The following ELMOD1 variants were observed in gnomAD, a reference collection of about 807,000 sequenced individuals.
The protein encoded by ELMOD1 is ELMO domain-containing protein 1.
ELMOD1 carries 21 observed loss-of-function variants against 46.7 expected under a neutral mutation model. The observed-to-expected ratio is 0.45, with a 90% CI of 0.32 to 0.65. ELMOD1 has a LOEUF of 0.65. ELMOD1 is among the 30% of genes least tolerant of loss of function. The pLI is 0.04. For missense variants in ELMOD1, 348 were observed against 407.8 expected (o/e 0.85, Z 1.26); for synonymous variants, 122 against 138.2 (o/e 0.88, Z 0.82).
chr11:107,591,633 C>T (rs1184303012), intron 1 of ELMOD1: 2 of 359,808 alleles, frequency 5.6e-6, no homozygotes, highest in African/African-American at 2.2e-5. Context: ...TCTATCCTGT[C>T]CTCCCAATTA....
intron 1 of ELMOD1, among the ~76,000 whole-genome samples, chr11:107,612,410 C>T (rs1259078968): frequency 6.6e-6 from 1 of 152,200 alleles, no homozygotes; most frequent in African/African-American, 2.4e-5. Context: ...GGATACTATG[C>T]TCACTACCTG....
At chr11:107,604,044 A>G (rs1188398682) in intron 1 of ELMOD1, among the ~76,000 whole-genome samples, 1 of 152,224 alleles carries the variant, frequency 6.6e-6, no homozygotes, top group African/African-American at 2.4e-5. Context: ...GAGACAGGAC[A>G]GGAAAATGGA....
At chr11:107,619,661 A>G (rs562121289) in intron 2 of ELMOD1, among the ~76,000 whole-genome samples, 104 of 152,346 alleles carry the variant, frequency 6.8e-4, no homozygotes, top group African/African-American at 2.3e-3. Flanking sequence ...GAAAAATAGT[A>G]GCCTTTGGTT....
rs1191124362 is a variant in ELMOD1 at position 107,650,414 on chromosome 11, A to G, written c.623+11A>G. 1.0e-5 allele frequency: 16 copies of G among 1,562,262 alleles called. No individual in the cohort carries two copies. Among genetic ancestry groups the G allele is most frequent in the Non-Finnish European group, 1.7e-6 (2 of 1,148,264 alleles). ...TCATCCGAAATGCAGGTAATTGTTG[A>G]AAGTAAAAGATGAATTAGGTTTTAT... On this transcript the variant is annotated intron_variant, in intron 8 of 11. Coordinates refer to ENST00000265840, the MANE Select transcript of ELMOD1 (RefSeq NM_018712.4).
chr11:107,624,009 A>T (rs1865999588), intron 2 of ELMOD1: 1 of 152,198 alleles, frequency 6.6e-6, no homozygotes, highest in Non-Finnish European at 1.5e-5. Flanking sequence ...TTTGTTCACA[A>T]TACTGAGCAT....
intron 5 of ELMOD1, 59 bp downstream of exon 5, chr11:107,631,736 A>AGAG: frequency 1.1e-6 from 1 of 913,010 alleles, no homozygotes. Flanking sequence ...CCACAGGTTT[A>AGAG]GTGTTTCTCT....
chr11:107,654,625 C>T (rs529337613), intron 10 of ELMOD1, among the ~76,000 whole-genome samples: 89 of 152,120 alleles, frequency 5.9e-4, no homozygotes, highest in Admixed American at 1.9e-3. Flanking sequence ...AAAAATTAGC[C>T]GGGCGTGTTG....
intron 1 of ELMOD1, among the ~76,000 whole-genome samples, chr11:107,609,760 T>C (rs1471209933): frequency 1.3e-5 from 2 of 152,218 alleles, no homozygotes; most frequent in African/African-American, 4.8e-5. Flanking sequence ...AAGTATCAAC[T>C]GATCTCTAGG....
chr11:107,602,660 C>G (rs1461661047), intron 1 of ELMOD1, among the ~76,000 whole-genome samples: 1 of 150,576 alleles, frequency 6.6e-6, no homozygotes, highest in East Asian at 1.9e-4. Flanking sequence ...TTTCTTTTAT[C>G]TATGAAAATT....
chr11:107,623,205 G>A (rs993024907), intron 2 of ELMOD1: 2 of 150,568 alleles, frequency 1.3e-5, no homozygotes, highest in African/African-American at 4.9e-5. Flanking sequence ...AAATTATTTT[G>A]CTCCCTGCAT....
intron 11 of ELMOD1, among the ~76,000 whole-genome samples, chr11:107,664,437 C>T (rs1037279830): frequency 3.3e-5 from 5 of 152,112 alleles, no homozygotes; most frequent in African/African-American, 1.2e-4. Context: ...ATTTTTGAGA[C>T]ACCAAAGGAT....
At chr11:107,611,445 A>G (rs1865778156) in intron 1 of ELMOD1, among the ~76,000 whole-genome samples, 1 of 152,194 alleles carries the variant, frequency 6.6e-6, no homozygotes, top group African/African-American at 2.4e-5. Flanking sequence ...TCATGTCTGG[A>G]TTCCCAGCAC....
chr11:107,648,131 T>G (rs1229853144), intron 7 of ELMOD1, among the ~76,000 whole-genome samples: 4 of 152,192 alleles, frequency 2.6e-5, no homozygotes, highest in African/African-American at 9.6e-5. Context: ...ATATTCAAAT[T>G]TCCCAGTTCT....
chr11:107,614,506 T>A (rs1004828087), intron 1 of ELMOD1, among the ~76,000 whole-genome samples: 7 of 152,008 alleles, frequency 4.6e-5, no homozygotes, highest in Non-Finnish European at 8.8e-5. Context: ...ACCCGGCTAA[T>A]TTTTGTATTT....
chr11:107,630,025 G>A lies in ELMOD1; in HGVS notation c.18-392G>A, dbSNP rs183699260. Among the ~76,000 whole-genome samples the A allele has an allele frequency of 2.7e-3, 417 of 152,276 alleles. 5 individuals carry two copies. The highest frequency in any genetic ancestry group is 9.5e-3 in the African/African-American group (396 of 41,564). On this transcript the variant is annotated intron_variant, in intron 2 of 11. Transcript: ENST00000265840. ...AAGGGCAAGCTGAGAGGCTGTTCAT[G>A]GAGGCAAAAGAGGAGAGCATGTTCT...
chr11:107,602,854 A>C (rs1865624920), intron 1 of ELMOD1, among the ~76,000 whole-genome samples: 1 of 125,850 alleles, frequency 7.9e-6, no homozygotes, highest in African/African-American at 3.4e-5. Flanking sequence ...TTCTCTGTGC[A>C]CAGGTGGGGC....
intron 6 of ELMOD1, among the ~76,000 whole-genome samples, chr11:107,645,089 A>ATTTTTTTTTTTTTTTT (rs11390120): frequency 6.8e-5 from 7 of 103,192 alleles, no homozygotes; most frequent in African/African-American, 2.3e-4. Flanking sequence ...TGCCTGGCTA[A>ATTTTTTTTTTTTTTTT]TTTTTTTTTT....
chr11:107,645,226 C>G (rs1436037320), intron 6 of ELMOD1, among the ~76,000 whole-genome samples: 1 of 152,006 alleles, frequency 6.6e-6, no homozygotes, highest in Non-Finnish European at 1.5e-5. Context: ...CGTGAGCCAC[C>G]GTGCCCGGCC....
At chr11:107,611,466 C>T (rs1485708526) in intron 1 of ELMOD1, among the ~76,000 whole-genome samples, 6 of 152,078 alleles carry the variant, frequency 3.9e-5, no homozygotes, top group Non-Finnish European at 5.9e-5. Flanking sequence ...TTTGGGAGGC[C>T]GAGGTGGGCG....
Sources: gnomAD v4.1 joint callset for allele counts (sites outside exome capture counted in the v4.1 genomes callset) on GRCh38, gnomAD v4.1.1 for gene constraint, MANE v1.5 for transcripts, NCBI Gene and HGNC (gene_info 2026-07-23, HGNC 2026-07-21) for gene names.